The following IL1RAPL1 variants were observed in gnomAD, a reference collection of about 807,000 sequenced individuals.
IL1RAPL1 encodes interleukin 1 receptor accessory protein like 1.
Under a neutral mutation model 48.4 loss-of-function variants are expected in IL1RAPL1, and 3 were observed. The observed-to-expected ratio is 0.06, with a 90% CI of 0.03 to 0.16. IL1RAPL1 has a LOEUF of 0.16. IL1RAPL1 is among the 10% of genes least tolerant of loss of function. The pLI is 1.00. For synonymous variants in IL1RAPL1, 185 were observed against 187.7 expected, an observed-to-expected ratio of 0.99 and a Z score of 0.12; for missense variants, 349 against 530.6, an observed-to-expected ratio of 0.66 and a Z score of 3.36.
chrX:29,814,910 T>C (rs1930461920), intron 6 of IL1RAPL1, among the ~76,000 whole-genome samples: 1 of 111,262 alleles, frequency 9.0e-6, no homozygotes, highest in Non-Finnish European at 1.9e-5. Flanking sequence ...GCTTTATTTC[T>C]GGGTTATCCA....
chrX:28,884,915 A>T (rs1922592648), intron 2 of IL1RAPL1, among the ~76,000 whole-genome samples: 1 of 111,894 alleles, frequency 8.9e-6, no homozygotes, highest in Non-Finnish European at 1.9e-5. Flanking sequence ...ATTGGTATAT[A>T]GATTCCATTA....
chrX:29,898,707 A>G (rs1932436912), intron 6 of IL1RAPL1, among the ~76,000 whole-genome samples: 1 of 112,438 alleles, frequency 8.9e-6, no homozygotes, highest in South Asian at 3.7e-4. Flanking sequence ...TAGGGAAAGT[A>G]TTCATCTTTA....
At chrX:28,794,028 T>C (rs923228306) in intron 2 of IL1RAPL1, among the ~76,000 whole-genome samples, 17 of 111,197 alleles carry the variant, frequency 1.5e-4, no homozygotes, top group African/African-American at 5.6e-4. Context: ...TCAGTGAGGA[T>C]GCTACAGGAC....
At chrX:29,716,420 A>G (rs1248666545) in intron 6 of IL1RAPL1, among the ~76,000 whole-genome samples, 2 of 111,699 alleles carry the variant, frequency 1.8e-5, no homozygotes, top group African/African-American at 6.5e-5. Context: ...TATTCCTCCC[A>G]ACAGGAATTT....
chrX:28,844,791 C>T (rs1284720691), intron 2 of IL1RAPL1, among the ~76,000 whole-genome samples: 1 of 111,081 alleles, frequency 9.0e-6, no homozygotes, highest in African/African-American at 3.3e-5. Flanking sequence ...CTTAAACTAG[C>T]TACAATGAGG....
At chrX:29,206,876 A>G (rs1478892249) in intron 2 of IL1RAPL1, among the ~76,000 whole-genome samples, 1 of 112,085 alleles carries the variant, frequency 8.9e-6, no homozygotes, top group East Asian at 2.8e-4. Context: ...CATGCCATAC[A>G]GTTCTGGAAA....
At chrX:28,672,764 A>G (rs1193166566) in intron 1 of IL1RAPL1, among the ~76,000 whole-genome samples, 1 of 111,354 alleles carries the variant, frequency 9.0e-6, no homozygotes, top group Non-Finnish European at 1.9e-5. Context: ...AAAAATATTC[A>G]TTCTTGTGGG....
chrX:28,684,662 T>C (rs776453202), intron 1 of IL1RAPL1, among the ~76,000 whole-genome samples: 5 of 112,040 alleles, frequency 4.5e-5, no homozygotes, highest in Non-Finnish European at 9.4e-5. Flanking sequence ...CCATGCTCTA[T>C]GAATGGTTGT....
intron 5 of IL1RAPL1, among the ~76,000 whole-genome samples, chrX:29,480,102 A>G (rs1295589204): frequency 9.3e-6 from 1 of 107,733 alleles, no homozygotes; most frequent in Non-Finnish European, 1.9e-5. Flanking sequence ...TTGTCCTCGT[A>G]TGTTCCCTCA....
chrX:28,745,155 G>A (rs1935958892), intron 1 of IL1RAPL1, among the ~76,000 whole-genome samples: 1 of 111,633 alleles, frequency 9.0e-6, no homozygotes, highest in Non-Finnish European at 1.9e-5. Flanking sequence ...TGCATGTAAA[G>A]CTTACTACAG....
intron 2 of IL1RAPL1, among the ~76,000 whole-genome samples, chrX:29,210,399 C>T (rs1342028050): frequency 1.8e-5 from 2 of 111,895 alleles, no homozygotes; most frequent in African/African-American, 6.5e-5. Context: ...CTGAATTTTA[C>T]AGCAAAGGAC....
chrX:28,771,316 G>A, intron 1 of IL1RAPL1, among the ~76,000 whole-genome samples: 1 of 112,196 alleles, frequency 8.9e-6, no homozygotes, highest in Non-Finnish European at 1.9e-5. Flanking sequence ...CTTTTGGCAG[G>A]AAAATAGTCA....
chrX:29,216,168 A>G (rs901882796), intron 2 of IL1RAPL1, among the ~76,000 whole-genome samples: 1 of 110,263 alleles, frequency 9.1e-6, no homozygotes, highest in Non-Finnish European at 1.9e-5. Flanking sequence ...TTTTGTTGTT[A>G]TTGTTGTTGT....
chrX:29,579,634 T>A (rs1922895714), intron 5 of IL1RAPL1, among the ~76,000 whole-genome samples: 1 of 112,292 alleles, frequency 8.9e-6, no homozygotes, highest in Non-Finnish European at 1.9e-5. Context: ...ACCAATTCGA[T>A]TTTTCTACTT....
chrX:29,906,458 T>TAA (rs1932622640), intron 6 of IL1RAPL1, among the ~76,000 whole-genome samples: 1 of 56,497 alleles, frequency 1.8e-5, no homozygotes, highest in Non-Finnish European at 3.2e-5. Flanking sequence ...CATAACTTTG[T>TAA]AAATATATAT....
intron 2 of IL1RAPL1, among the ~76,000 whole-genome samples, chrX:28,813,530 T>C (rs980466923): frequency 9.0e-6 from 1 of 111,458 alleles, no homozygotes; most frequent in African/African-American, 3.3e-5. Context: ...GAGTATTCTA[T>C]AATGTCAATG....
At chrX:29,599,459 TTTGCCTGACTTTAGATAACCTCACGA>T (rs1923651123) in intron 5 of IL1RAPL1, among the ~76,000 whole-genome samples, 1 of 112,047 alleles carries the variant, frequency 8.9e-6, no homozygotes, top group Non-Finnish European at 1.9e-5. Flanking sequence ...GATTCTTTCC[TTTGCCTGACTTTAGATAACCTCACGA>T]TTGTGTGCCT....
At chrX:29,404,955 C>T (rs752829368) in intron 5 of IL1RAPL1, among the ~76,000 whole-genome samples, 1 of 111,207 alleles carries the variant, frequency 9.0e-6, no homozygotes, top group African/African-American at 3.3e-5. Flanking sequence ...GCTCTGTCGC[C>T]CAGGGTGGAG....
At chrX:29,953,533 T>C (rs1176802842) in intron 9 of IL1RAPL1, among the ~76,000 whole-genome samples, 1 of 111,980 alleles carries the variant, frequency 8.9e-6, no homozygotes, top group Admixed American at 9.5e-5. Context: ...AGAACTAAGT[T>C]TCTTTTACTT....
Sources: allele counts gnomAD v4.1 joint callset (sites outside exome capture counted in the v4.1 genomes callset), GRCh38; gene constraint gnomAD v4.1.1; transcripts MANE v1.5; gene names NCBI Gene and HGNC (gene_info 2026-07-23, HGNC 2026-07-21).